NTM: variants seen among roughly 807,000 people sequenced by gnomAD.
NTM encodes the protein neurotrimin.
NTM carries 13 observed loss-of-function variants against 42.1 expected under a neutral mutation model. The observed-to-expected ratio is 0.31, with a 90% CI of 0.20 to 0.49. The LOEUF is 0.49. Ranked by LOEUF, NTM falls within the 20% of genes least tolerant of loss-of-function variation. NTM has a pLI of 0.99. For missense variants in NTM, 373 were observed against 452.8 expected, an observed-to-expected ratio of 0.82 and a Z score of 1.60; for synonymous variants, 187 against 179.2, an observed-to-expected ratio of 1.04 and a Z score of -0.35.
At chr11:132,029,010 T>C (rs1460880205) in intron 2 of NTM, among the ~76,000 whole-genome samples, 1 of 152,128 alleles carries the variant, frequency 6.6e-6, no homozygotes, top group Non-Finnish European at 1.5e-5. Context: ...CATTTTAGTT[T>C]TTCTATCCTG....
At chr11:131,534,877 G>T (rs930803718) in intron 1 of NTM, 1 of 152,196 alleles carries the variant, frequency 6.6e-6, no homozygotes, top group Admixed American at 6.5e-5. Context: ...CGTGGACTCG[G>T]CCCCCACTCC....
chr11:132,100,773 C>T (rs2061533862), intron 2 of NTM, among the ~76,000 whole-genome samples: 1 of 152,202 alleles, frequency 6.6e-6, no homozygotes, highest in Non-Finnish European at 1.5e-5. Context: ...TATACAGACA[C>T]TGAGCTGTGT....
At chr11:132,006,303 A>G (rs2135369085) in intron 2 of NTM, among the ~76,000 whole-genome samples, 1 of 152,276 alleles carries the variant, frequency 6.6e-6, no homozygotes, top group Admixed American at 6.5e-5. Context: ...TTTAACAGAA[A>G]CAGTTTTATT....
intron 3 of NTM, among the ~76,000 whole-genome samples, chr11:132,169,552 G>A (rs2075835921): frequency 6.6e-6 from 1 of 151,764 alleles, no homozygotes; most frequent in African/African-American, 2.4e-5. Context: ...AGCCAGGATG[G>A]TCTTGATCCC....
At chr11:132,225,104 A>G (rs997258679) in intron 4 of NTM, among the ~76,000 whole-genome samples, 1 of 152,352 alleles carries the variant, frequency 6.6e-6, no homozygotes, top group Non-Finnish European at 1.5e-5. Context: ...TACAGCAGAT[A>G]TATGATAAAT....
intron 1 of NTM, among the ~76,000 whole-genome samples, chr11:131,541,444 TAAAG>T (rs1488650333): frequency 6.6e-6 from 1 of 152,174 alleles, no homozygotes; most frequent in African/African-American, 2.4e-5. Flanking sequence ...CTACAATACA[TAAAG>T]AGAGTAGACC....
At chr11:131,466,618 C>T (rs1053964851) in intron 1 of NTM, among the ~76,000 whole-genome samples, 1 of 152,118 alleles carries the variant, frequency 6.6e-6, no homozygotes, top group Non-Finnish European at 1.5e-5. Flanking sequence ...TGTTATGCCG[C>T]ACAAGTTATA....
chr11:131,691,224 G>A (rs2074652663), intron 1 of NTM, among the ~76,000 whole-genome samples: 1 of 152,172 alleles, frequency 6.6e-6, no homozygotes, highest in African/African-American at 2.4e-5. Flanking sequence ...GTGCCAGGGC[G>A]GTTCCTTCAG....
chr11:131,926,097 A>C (rs1218521609), intron 2 of NTM, among the ~76,000 whole-genome samples: 6 of 99,114 alleles, frequency 6.1e-5, no homozygotes, highest in Non-Finnish European at 1.2e-4. Flanking sequence ...TGAGGGTTGC[A>C]ACTTGTATGG....
intron 1 of NTM, among the ~76,000 whole-genome samples, chr11:131,445,769 A>G (rs1342324334): frequency 1.3e-5 from 2 of 152,148 alleles, no homozygotes; most frequent in African/African-American, 4.8e-5. Flanking sequence ...GGTGCACTCT[A>G]TTGTGAGCCC....
chr11:131,624,328 A>G (rs2062886043), intron 1 of NTM, among the ~76,000 whole-genome samples: 1 of 152,202 alleles, frequency 6.6e-6, no homozygotes, highest in Non-Finnish European at 1.5e-5. Context: ...GATCTCAGGC[A>G]GCTGATCTCA....
chr11:131,829,371 A>C (rs1252579716), intron 1 of NTM, among the ~76,000 whole-genome samples: 1 of 152,062 alleles, frequency 6.6e-6, no homozygotes, highest in Admixed American at 6.6e-5. Flanking sequence ...TCCAGTGTCT[A>C]TTGTTCCCAT....
intron 1 of NTM, among the ~76,000 whole-genome samples, chr11:131,703,169 A>T (rs910969183): frequency 6.6e-6 from 1 of 152,250 alleles, no homozygotes; most frequent in East Asian, 1.9e-4. Context: ...AGCTGAGTAT[A>T]CTTCATAATT....
intron 1 of NTM, among the ~76,000 whole-genome samples, chr11:131,515,941 A>G (rs1565588972): frequency 6.6e-6 from 1 of 152,206 alleles, no homozygotes; most frequent in Non-Finnish European, 1.5e-5. Context: ...TCACAAAGAT[A>G]AGGCTTTTGC....
intron 2 of NTM, among the ~76,000 whole-genome samples, chr11:131,982,448 G>A (rs2065400226): frequency 6.6e-6 from 1 of 152,222 alleles, no homozygotes; most frequent in East Asian, 1.9e-4. Context: ...GGTGGGATGA[G>A]GAAACAAGGA....
intron 3 of NTM, among the ~76,000 whole-genome samples, chr11:132,147,904 GT>G (rs1333789674): frequency 1.6e-4 from 24 of 152,198 alleles, no homozygotes; most frequent in Non-Finnish European, 1.5e-5. Flanking sequence ...GAGGCCTGCT[GT>G]TTGACAGTAG....
chr11:131,734,345 C>G (rs2080130250), intron 1 of NTM, among the ~76,000 whole-genome samples: 1 of 152,180 alleles, frequency 6.6e-6, no homozygotes, highest in African/African-American at 2.4e-5. Context: ...GTACATTGCC[C>G]TTGACCCTTT....
rs181277720 is a variant in NTM at position 131,557,313 on chromosome 11, G to T, written c.82+186425G>T. On this transcript the variant is annotated intron_variant, in intron 1 of 8. Transcript: ENST00000683400. ...GAAAAAACAGAACATGATTCAGAAA[G>T]CAATGGCCTTCACCTCCACCTGATC... is the stretch of plus-strand genomic sequence containing the variant. 2.0e-5 allele frequency among the ~76,000 whole-genome samples: 3 copies of T among 152,230 alleles called. No individual in the cohort carries two copies. The East Asian group carries it at 5.8e-4, about 30-fold the overall frequency.
intron 1 of NTM, among the ~76,000 whole-genome samples, chr11:131,487,469 C>A (rs532505755): frequency 6.6e-5 from 10 of 152,220 alleles, no homozygotes; most frequent in African/African-American, 2.4e-4. Context: ...AATTATAAAC[C>A]CCCAATTGAA....
Sources: allele counts gnomAD v4.1 joint callset (sites outside exome capture counted in the v4.1 genomes callset), GRCh38; gene constraint gnomAD v4.1.1; transcripts MANE v1.5; gene names NCBI Gene and HGNC (gene_info 2026-07-23, HGNC 2026-07-21).